Variants in SYNPO2 observed in about 807,000 individuals in gnomAD.
SYNPO2 encodes the protein synaptopodin 2, also known as synaptopodin-2.
SYNPO2 carries 56 observed loss-of-function variants against 85.0 expected under a neutral mutation model. The ratio of observed to expected loss-of-function variants is 0.66; its 90% CI spans 0.53 to 0.82. The LOEUF is 0.82. Among genes scored for constraint, SYNPO2 ranks in the 40% least tolerant of loss-of-function variants. The probability of loss-of-function intolerance (pLI) is 0.00; values close to 1 mark genes in which losing one functional copy is unlikely to be tolerated. For synonymous variants in SYNPO2, 602 were observed against 591.1 expected (o/e 1.02, Z -0.27); for missense variants, 1,575 against 1,534.2 (o/e 1.03, Z -0.44).
At chr4:119,055,102 G>A (rs1399023507) in intron 4 of SYNPO2, among the ~76,000 whole-genome samples, 2 of 152,034 alleles carry the variant, frequency 1.3e-5, no homozygotes, top group South Asian at 4.1e-4. Flanking sequence ...GACAGTTAAA[G>A]AGTCTCTTCT....
intron 1 of SYNPO2, among the ~76,000 whole-genome samples, chr4:118,965,183 C>G (rs1203178153): frequency 6.6e-6 from 1 of 152,104 alleles, no homozygotes; most frequent in Non-Finnish European, 1.5e-5. Flanking sequence ...TAATATATTG[C>G]AAAAACTTGA....
chr4:119,003,087 A>T lies in SYNPO2; in HGVS notation c.106-20343A>T, dbSNP rs116109303. 1.4e-3 allele frequency among the ~76,000 whole-genome samples: 206 copies of T among 152,178 alleles called. 1 individual carries two copies. The highest frequency in any genetic ancestry group is 4.6e-3 in the African/African-American group (193 of 41,522). ...TTTTATCTTTTTGTCTTGCTGTATT[A>T]GTCCACTGCTGTATTAGTCACACTG... On this transcript the variant is annotated intron_variant, in intron 1 of 4. Transcript: ENST00000307142.
intron 4 of SYNPO2, among the ~76,000 whole-genome samples, chr4:119,047,886 T>G (rs924267181): frequency 7.9e-5 from 12 of 152,354 alleles, no homozygotes; most frequent in African/African-American, 2.9e-4. Context: ...AGTCTCATGA[T>G]AAACGGTAAA....
intron 4 of SYNPO2, among the ~76,000 whole-genome samples, chr4:119,039,159 A>G (rs2149196037): frequency 6.6e-6 from 1 of 152,298 alleles, no homozygotes. Flanking sequence ...TTTTTTGGTC[A>G]CCACAAAATG....
chr4:119,001,935 T>C (rs1736838332), intron 1 of SYNPO2, among the ~76,000 whole-genome samples: 2 of 152,180 alleles, frequency 1.3e-5, no homozygotes, highest in South Asian at 4.1e-4. Context: ...CATTGTTATG[T>C]CACAACGGAA....
intron 1 of SYNPO2, among the ~76,000 whole-genome samples, chr4:118,996,128 C>T (rs1166434948): frequency 1.3e-5 from 2 of 152,234 alleles, no homozygotes; most frequent in South Asian, 4.1e-4. Flanking sequence ...TCTCATGACT[C>T]TCTTCCTTGC....
At chr4:118,965,520 A>G (rs527986587) in intron 1 of SYNPO2, among the ~76,000 whole-genome samples, 3 of 152,140 alleles carry the variant, frequency 2.0e-5, no homozygotes, top group Non-Finnish European at 4.4e-5. Flanking sequence ...TCATACCTAA[A>G]TCCATCTTGG....
rs71595334 is a variant in SYNPO2 at position 118,933,829 on chromosome 4, G to GTTTTTTTTTTTTTTTTT, written c.105+44689_105+44705dup. ...ATAGCTGCTTTTTGCTGTTGTTGTT[G>GTTTTTTTTTTTTTTTTT]TTTTTTTTTTTTTTTTTGGACAGTA... On this transcript the variant is annotated intron_variant, in intron 1 of 4. Transcript: ENST00000307142. 5.7e-4 allele frequency among the ~76,000 whole-genome samples: 58 copies of GTTTTTTTTTTTTTTTTT among 102,244 alleles called. 2 individuals carry two copies. Among genetic ancestry groups the GTTTTTTTTTTTTTTTTT allele is most frequent in the South Asian group, 1.1e-3 (3 of 2,650 alleles). 67.1% of individuals were successfully genotyped at this position (102,244 alleles called of 152,430 possible). A position where few individuals can be genotyped will look rare whatever the true frequency, so the allele number is the denominator to read the frequency against.
At chr4:118,973,120 G>A (rs1300388329) in intron 1 of SYNPO2, among the ~76,000 whole-genome samples, 1 of 152,126 alleles carries the variant, frequency 6.6e-6, no homozygotes, top group Admixed American at 6.5e-5. Flanking sequence ...AGCATCTGTA[G>A]AGTGAAAAAC....
intron 1 of SYNPO2, among the ~76,000 whole-genome samples, chr4:118,927,462 A>T (rs959167815): frequency 6.6e-6 from 1 of 152,134 alleles, no homozygotes; most frequent in South Asian, 2.1e-4. Context: ...ATTAAAGGCT[A>T]TACAACTGGG....
At chr4:118,894,193 C>T (rs1196930620) in intron 1 of SYNPO2, among the ~76,000 whole-genome samples, 3 of 151,586 alleles carry the variant, frequency 2.0e-5, no homozygotes, top group South Asian at 2.1e-4. Context: ...TAGGGCTTGA[C>T]GGGTGGTGGC....
intron 1 of SYNPO2, among the ~76,000 whole-genome samples, chr4:118,856,965 C>T (rs1731518111): frequency 6.7e-6 from 1 of 149,446 alleles, no homozygotes; most frequent in Non-Finnish European, 1.5e-5. Context: ...GCTTTTAAAA[C>T]ATCAATAAAA....
At chr4:119,008,212 G>C (rs1737152373) in intron 1 of SYNPO2, among the ~76,000 whole-genome samples, 1 of 152,086 alleles carries the variant, frequency 6.6e-6, no homozygotes, top group African/African-American at 2.4e-5. Flanking sequence ...TCTCACTGTG[G>C]GTACTGGTGA....
At chr4:119,051,401 C>T (rs1413208298) in intron 4 of SYNPO2, among the ~76,000 whole-genome samples, 1 of 150,950 alleles carries the variant, frequency 6.6e-6, no homozygotes, top group Non-Finnish European at 1.5e-5. Flanking sequence ...GTTTTTTAGC[C>T]GGGATGGTCT....
rs1023301475 is a variant in SYNPO2, at chr4:118,904,950, T to C, written c.105+15809T>C. ...TACATTTATCGGTTGCTGTAGGGAG[T>C]CAAAATGCAGTGATCCATTTTCAGG... is the stretch of plus-strand genomic sequence containing the variant. On this transcript the variant is annotated intron_variant, in intron 1 of 4. Transcript: ENST00000307142. Among the ~76,000 whole-genome samples the C allele has an allele frequency of 3.3e-5, 5 of 152,274 alleles. No individual in the cohort carries two copies. The South Asian group carries it at 1.0e-3, about 32-fold the overall frequency.
intron 2 of SYNPO2, among the ~76,000 whole-genome samples, chr4:119,025,418 A>G (rs1210479379): frequency 6.6e-6 from 1 of 152,206 alleles, no homozygotes; most frequent in Non-Finnish European, 1.5e-5. Flanking sequence ...ATTACAGGGA[A>G]GCTTTTCCAA....
At chr4:118,852,901 T>C (rs1187740097) in intron 1 of SYNPO2, among the ~76,000 whole-genome samples, 2 of 152,226 alleles carry the variant, frequency 1.3e-5, no homozygotes, top group Non-Finnish European at 2.9e-5. Context: ...TTCTGGGTTA[T>C]TCAAGTCCTC....
rs187605039 is a variant in SYNPO2, at chr4:118,880,235, A to G, written c.12+29295A>G. ...AAAAATTATTCTGTCTGGTCATTTT[A>G]TATACTTTGTGCATTGGGAAGAAAC... On this transcript the variant is annotated intron_variant, in intron 1 of 4. Coordinates refer to the SYNPO2 transcript ENST00000610556. 4.3e-3 allele frequency among the ~76,000 whole-genome samples: 654 copies of G among 152,314 alleles called. 5 individuals are homozygous for G. Among genetic ancestry groups the G allele is most frequent in the Non-Finnish European group, 6.1e-3 (415 of 68,028 alleles).
chr4:119,001,990 A>G (rs1736839455), intron 1 of SYNPO2, among the ~76,000 whole-genome samples: 1 of 152,144 alleles, frequency 6.6e-6, no homozygotes, highest in African/African-American at 2.4e-5. Flanking sequence ...TCCCTACTTC[A>G]AGCTCATATG....
Sources: gnomAD v4.1 joint callset for allele counts (sites outside exome capture counted in the v4.1 genomes callset) on GRCh38, gnomAD v4.1.1 for gene constraint, MANE v1.5 for transcripts, NCBI Gene and HGNC (gene_info 2026-07-23, HGNC 2026-07-21) for gene names.